Variants in NEGR1 observed in about 807,000 individuals in gnomAD.
The protein encoded by NEGR1 is neuronal growth regulator 1.
Under a neutral mutation model 40.9 loss-of-function variants are expected in NEGR1, and 10 were observed. That is an observed-to-expected ratio of 0.24 (90% CI 0.15 to 0.42). The LOEUF is 0.42. NEGR1 is among the 10% of genes least tolerant of loss of function. The pLI is 1.00. For missense variants in NEGR1, 352 were observed against 438.9 expected (o/e 0.80, Z 1.77); for synonymous variants, 185 against 166.8 (o/e 1.11, Z -0.84).
intron 2 of NEGR1, among the ~76,000 whole-genome samples, chr1:71,791,662 C>G (rs1227583906): frequency 6.6e-6 from 1 of 151,984 alleles, no homozygotes; most frequent in African/African-American, 2.4e-5. Context: ...TGCTCTTGCC[C>G]TTAAAAAGTC....
chr1:71,435,117 A>C (rs909384035), intron 6 of NEGR1, among the ~76,000 whole-genome samples: 32 of 151,694 alleles, frequency 2.1e-4, no homozygotes, highest in South Asian at 4.2e-4. Context: ...AAACAAAAAA[A>C]AAAAAAAAAG....
chr1:71,875,752 A>C (rs1026576975), intron 2 of NEGR1, among the ~76,000 whole-genome samples: 1 of 152,160 alleles, frequency 6.6e-6, no homozygotes, highest in African/African-American at 2.4e-5. Context: ...TGAAACACTA[A>C]GCCTCAAGAT....
intron 1 of NEGR1, among the ~76,000 whole-genome samples, chr1:72,132,271 T>C (rs753834880): frequency 7.2e-5 from 11 of 152,166 alleles, no homozygotes; most frequent in Non-Finnish European, 1.6e-4. Context: ...GAGAATTAAA[T>C]TTGATTGCAT....
intron 2 of NEGR1, among the ~76,000 whole-genome samples, chr1:71,810,163 G>A (rs1272414744): frequency 5.3e-5 from 8 of 152,036 alleles, no homozygotes; most frequent in African/African-American, 1.9e-4. Flanking sequence ...GCAGCTTTGG[G>A]GTAAGGCAGA....
chr1:71,916,048 G>A (rs994029473), intron 2 of NEGR1, among the ~76,000 whole-genome samples: 2 of 152,100 alleles, frequency 1.3e-5, no homozygotes, highest in Non-Finnish European at 2.9e-5. Flanking sequence ...AAAATTTTCA[G>A]TATTCCCAGA....
At chr1:72,026,985 G>T (rs1308017261) in intron 1 of NEGR1, among the ~76,000 whole-genome samples, 1 of 151,960 alleles carries the variant, frequency 6.6e-6, no homozygotes, top group Non-Finnish European at 1.5e-5. Flanking sequence ...GAGTGCAGTG[G>T]CGCGATCTGG....
At chr1:72,021,110 A>T (rs185611732) in intron 1 of NEGR1, among the ~76,000 whole-genome samples, 176 of 152,282 alleles carry the variant, frequency 1.2e-3, no homozygotes, top group Middle Eastern at 3.4e-3. Context: ...TCCATTTGAA[A>T]TCAAAAATAA....
chr1:71,693,424 T>C (rs1298539556), intron 4 of NEGR1, among the ~76,000 whole-genome samples: 1 of 151,688 alleles, frequency 6.6e-6, no homozygotes, highest in Non-Finnish European at 1.5e-5. Flanking sequence ...CCAGGTACTA[T>C]TCTAAGTAAC....
intron 3 of NEGR1, among the ~76,000 whole-genome samples, chr1:71,722,017 T>A (rs1333161699): frequency 6.6e-6 from 1 of 152,082 alleles, no homozygotes. Context: ...ACATGTAGAT[T>A]TTAACTAGGG....
chr1:71,973,104 T>G (rs530160871), intron 1 of NEGR1, among the ~76,000 whole-genome samples: 15 of 152,194 alleles, frequency 9.9e-5, no homozygotes, highest in Non-Finnish European at 1.9e-4. Flanking sequence ...TTAATTATAC[T>G]AATTAATAGA....
chr1:72,219,069 C>T (rs1653924257), intron 1 of NEGR1, among the ~76,000 whole-genome samples: 1 of 152,144 alleles, frequency 6.6e-6, no homozygotes, highest in South Asian at 2.1e-4. Flanking sequence ...AATACAGTAT[C>T]CATCATACTG....
chr1:71,831,805 GAA>G (rs10552883), intron 2 of NEGR1, among the ~76,000 whole-genome samples: 95,818 of 147,756 alleles, frequency 0.65, 30,836 homozygotes, highest in Admixed American at 0.72. Context: ...GAGACAAAAA[GAA>G]AAAAAAAAAA....
chr1:71,972,720 GA>G (rs1237524121), intron 1 of NEGR1, among the ~76,000 whole-genome samples: 2 of 152,078 alleles, frequency 1.3e-5, no homozygotes, highest in East Asian at 1.9e-4. Flanking sequence ...GGGATGCTAT[GA>G]AATTTCTATT....
chr1:71,524,645 T>C (rs1647195709), intron 6 of NEGR1, among the ~76,000 whole-genome samples: 1 of 151,660 alleles, frequency 6.6e-6, no homozygotes, highest in Admixed American at 6.6e-5. Flanking sequence ...CAAAGATGTC[T>C]ACATTCTAAT....
intron 2 of NEGR1, among the ~76,000 whole-genome samples, chr1:71,795,828 A>AG (rs957059653): frequency 6.6e-5 from 10 of 152,270 alleles, no homozygotes; most frequent in African/African-American, 2.2e-4. Flanking sequence ...AATTCTGTAA[A>AG]TTATTATTTA....
chr1:71,657,114 G>T (rs1651905351), intron 4 of NEGR1, among the ~76,000 whole-genome samples: 1 of 152,172 alleles, frequency 6.6e-6, no homozygotes, highest in Non-Finnish European at 1.5e-5. Flanking sequence ...AGTCCACAAA[G>T]AATGTCTTGA....
intron 6 of NEGR1, among the ~76,000 whole-genome samples, chr1:71,578,254 G>A (rs1023257): frequency 0.98 from 149,331 of 152,240 alleles, 73,316 homozygotes; most frequent in East Asian, 1. Context: ...GACTAGAGAT[G>A]TAAGTTATTA....
chr1:72,066,905 C>A (rs992874572), intron 1 of NEGR1, among the ~76,000 whole-genome samples: 11 of 152,080 alleles, frequency 7.2e-5, no homozygotes, highest in Non-Finnish European at 1.3e-4. Flanking sequence ...ATGTAAAAGC[C>A]AGACAGAATG....
intron 6 of NEGR1, among the ~76,000 whole-genome samples, chr1:71,416,631 T>A (rs74089308): frequency 0.02 from 3,039 of 152,272 alleles, 103 homozygotes; most frequent in African/African-American, 0.068. Flanking sequence ...TGGCTATTTT[T>A]AAATCCTTAA....
Sources: allele counts gnomAD v4.1 joint callset (sites outside exome capture counted in the v4.1 genomes callset), GRCh38; gene constraint gnomAD v4.1.1; transcripts MANE v1.5; gene names NCBI Gene and HGNC (gene_info 2026-07-23, HGNC 2026-07-21).